NLGN1: variants seen among roughly 807,000 people sequenced by gnomAD.
NLGN1 encodes the protein neuroligin-1.
NLGN1 carries 12 observed loss-of-function variants against 65.5 expected under a neutral mutation model. The ratio of observed to expected loss-of-function variants is 0.18; its 90% confidence interval spans 0.12 to 0.30. NLGN1 has a LOEUF of 0.30. Among genes scored for constraint, NLGN1 ranks in the 10% least tolerant of loss-of-function variants. NLGN1 has a pLI of 1.00. For synonymous variants in NLGN1, 350 were observed against 359.5 expected, an observed-to-expected ratio of 0.97 and a Z score of 0.30; for missense variants, 750 against 1,007.1, an observed-to-expected ratio of 0.74 and a Z score of 3.46.
At chr3:174,176,598 T>C (rs1729489372) in intron 4 of NLGN1, among the ~76,000 whole-genome samples, 1 of 151,896 alleles carries the variant, frequency 6.6e-6, no homozygotes. Context: ...TTTTGTTTTG[T>C]TTTTCTAGAA....
intron 4 of NLGN1, among the ~76,000 whole-genome samples, chr3:173,889,634 G>T (rs1316560860): frequency 1.3e-5 from 2 of 152,118 alleles, no homozygotes; most frequent in Non-Finnish European, 2.9e-5. Flanking sequence ...ACCTATGGAG[G>T]TTGAGACTGA....
intron 4 of NLGN1, among the ~76,000 whole-genome samples, chr3:173,975,086 G>T (rs955878774): frequency 2.0e-5 from 3 of 152,050 alleles, no homozygotes; most frequent in Non-Finnish European, 4.4e-5. Flanking sequence ...GTCTGTGGCA[G>T]TGTCAGCATC....
chr3:173,902,767 ATAAC>A (rs1173936566), intron 4 of NLGN1, among the ~76,000 whole-genome samples: 1 of 152,126 alleles, frequency 6.6e-6, no homozygotes, highest in Non-Finnish European at 1.5e-5. Flanking sequence ...AGATGAGACT[ATAAC>A]TATTCTGTGA....
chr3:174,144,481 G>A (rs535443224), intron 4 of NLGN1, among the ~76,000 whole-genome samples: 1 of 152,242 alleles, frequency 6.6e-6, no homozygotes, highest in East Asian at 1.9e-4. Context: ...GATCCTTGAG[G>A]AATCACCACA....
intron 4 of NLGN1, among the ~76,000 whole-genome samples, chr3:173,831,083 T>C (rs570386791): frequency 6.6e-6 from 1 of 152,310 alleles, no homozygotes; most frequent in Admixed American, 6.5e-5. Context: ...CATCATGGTC[T>C]CCAATTCCAT....
intron 4 of NLGN1, among the ~76,000 whole-genome samples, chr3:173,873,276 G>T (rs1051854469): frequency 1.3e-5 from 2 of 151,570 alleles, no homozygotes; most frequent in Non-Finnish European, 2.9e-5. Flanking sequence ...TTTAGTAGAG[G>T]TCGGGTTTCA....
At chr3:174,025,767 T>C (rs757363037) in intron 4 of NLGN1, among the ~76,000 whole-genome samples, 18 of 152,204 alleles carry the variant, frequency 1.2e-4, no homozygotes, top group African/African-American at 4.3e-4. Context: ...GAAAGTAAAC[T>C]GGATTAGCTA....
chr3:173,602,837 A>G (rs1387761134), intron 2 of NLGN1, among the ~76,000 whole-genome samples: 3 of 152,154 alleles, frequency 2.0e-5, no homozygotes, highest in East Asian at 1.9e-4. Flanking sequence ...CTTTACAGAA[A>G]TGGGTTTGTG....
intron 3 of NLGN1, among the ~76,000 whole-genome samples, chr3:173,741,928 A>T (rs971337321): frequency 4.6e-5 from 7 of 152,156 alleles, no homozygotes; most frequent in Non-Finnish European, 1.0e-4. Flanking sequence ...GCGTCCCCGT[A>T]ATGTACGCTC....
chr3:173,746,360 T>G (rs769965004), intron 3 of NLGN1, among the ~76,000 whole-genome samples: 13 of 152,110 alleles, frequency 8.5e-5, no homozygotes, highest in Non-Finnish European at 1.6e-4. Context: ...ATTCTCAAGA[T>G]AAAGTTTAAA....
chr3:174,030,122 CT>C (rs3979617), intron 4 of NLGN1, among the ~76,000 whole-genome samples: 6,499 of 118,334 alleles, frequency 0.055, 150 homozygotes, highest in African/African-American at 0.14. Flanking sequence ...TTTAAGTTAG[CT>C]TTTTTTTTTT....
At chr3:173,712,791 C>T (rs1054339788) in intron 3 of NLGN1, among the ~76,000 whole-genome samples, 10 of 151,084 alleles carry the variant, frequency 6.6e-5, no homozygotes, top group African/African-American at 1.7e-4. Context: ...AAACTTGAGG[C>T]GTTAAAATTT....
chr3:174,166,924 TA>T (rs1308524390), intron 4 of NLGN1, among the ~76,000 whole-genome samples: 1 of 152,060 alleles, frequency 6.6e-6, no homozygotes, highest in African/African-American at 2.4e-5. Flanking sequence ...AACCTTTTGT[TA>T]ATATGTAATG....
At chr3:174,023,426 A>C (rs1728171320) in intron 4 of NLGN1, among the ~76,000 whole-genome samples, 1 of 152,124 alleles carries the variant, frequency 6.6e-6, no homozygotes, top group Non-Finnish European at 1.5e-5. Flanking sequence ...TCAGGCCTCC[A>C]AAAACGCTGG....
intron 2 of NLGN1, among the ~76,000 whole-genome samples, chr3:173,517,796 ATCTATCATATCTATCTG>A (rs1165050021): frequency 3.4e-4 from 52 of 151,466 alleles, no homozygotes; most frequent in African/African-American, 1.2e-3. Context: ...CTATCTATCT[ATCTATCATATCTATCTG>A]TCATCTATCT....
chr3:173,862,379 G>A (rs1351526001), intron 4 of NLGN1, among the ~76,000 whole-genome samples: 1 of 149,934 alleles, frequency 6.7e-6, no homozygotes, highest in Admixed American at 6.6e-5. Context: ...AGTGGCGGGC[G>A]CCTGTAGTCC....
chr3:173,862,828 A>T (rs985340704), intron 4 of NLGN1, among the ~76,000 whole-genome samples: 2 of 152,164 alleles, frequency 1.3e-5, no homozygotes, highest in Non-Finnish European at 2.9e-5. Flanking sequence ...ATTTACTCTG[A>T]ACTCCCAATA....
intron 4 of NLGN1, among the ~76,000 whole-genome samples, chr3:173,976,812 G>A (rs2152384910): frequency 6.6e-6 from 1 of 152,070 alleles, no homozygotes; most frequent in South Asian, 2.1e-4. Context: ...TTTCCTCACA[G>A]ATACTTTCTA....
intron 4 of NLGN1, among the ~76,000 whole-genome samples, chr3:174,208,765 A>G (rs1450854477): frequency 6.6e-6 from 1 of 152,046 alleles, no homozygotes; most frequent in Non-Finnish European, 1.5e-5. Flanking sequence ...GGCCCAAAGG[A>G]TATCATCAGC....
Sources: gnomAD v4.1 joint callset for allele counts (sites outside exome capture counted in the v4.1 genomes callset) on GRCh38, gnomAD v4.1.1 for gene constraint, MANE v1.5 for transcripts, NCBI Gene and HGNC (gene_info 2026-07-23, HGNC 2026-07-21) for gene names.